GNG7: variants seen among roughly 807,000 people sequenced by gnomAD.
GNG7 encodes guanine nucleotide-binding protein G(I)/G(S)/G(O) subunit gamma-7.
GNG7 carries 1 observed loss-of-function variant against 4.0 expected under a neutral mutation model. The observed-to-expected ratio is 0.25, with a 90% CI of 0.09 to 1.18. GNG7 has a LOEUF of 1.18. Ranked by LOEUF, GNG7 falls within the 50% of genes most tolerant of loss-of-function variation. The pLI is 0.50. For synonymous variants in GNG7, 34 were observed against 36.9 expected (o/e 0.92, Z 0.29); for missense variants, 86 against 91.9 (o/e 0.94, Z 0.26).
At chr19:2,572,502 G>A (rs529981246) in intron 2 of GNG7, among the ~76,000 whole-genome samples, 1 of 152,088 alleles carries the variant, frequency 6.6e-6, no homozygotes, top group Admixed American at 6.6e-5. Context: ...CCTGATCTCG[G>A]CTCACTGCAA....
intron 1 of GNG7, among the ~76,000 whole-genome samples, chr19:2,693,981 G>A (rs1332342551): frequency 6.6e-6 from 1 of 152,108 alleles, no homozygotes; most frequent in Non-Finnish European, 1.5e-5. Context: ...TTAATATTGT[G>A]TTGTGAACGT....
chr19:2,660,980 G>C (rs970510819), intron 1 of GNG7, among the ~76,000 whole-genome samples: 2 of 152,014 alleles, frequency 1.3e-5, no homozygotes, highest in Non-Finnish European at 2.9e-5. Context: ...GGGAGGCCGA[G>C]GCGGGCAGAT....
intron 1 of GNG7, among the ~76,000 whole-genome samples, chr19:2,656,962 C>T (rs1251909220): frequency 6.6e-6 from 1 of 151,898 alleles, no homozygotes; most frequent in Non-Finnish European, 1.5e-5. Flanking sequence ...TGCTGGAATC[C>T]TCTGGGGGTG....
rs1982884797 is a variant in GNG7, at chr19:2,653,547, G to C, written c.-134-7267C>G. Among the ~76,000 whole-genome samples the C allele has an allele frequency of 1.3e-5, 2 of 152,206 alleles. No individual in the cohort carries two copies. The highest frequency in any genetic ancestry group is 2.9e-5 in the Non-Finnish European group (2 of 68,020). On this transcript the variant is annotated intron_variant, in intron 1 of 4. Coordinates refer to ENST00000382159, the MANE Select transcript of GNG7 (RefSeq NM_052847.3). The surrounding 1 kb of genome is among the most constrained non-coding windows in gnomAD (Gnocchi z 4.8). ...GTGTCTGGAGTGAGAAGGGATCGAAGTCTATTTTTTTCCAGATGAATGTAG... is the reference window on the plus strand; with the variant it reads ...GTGTCTGGAGTGAGAAGGGATCGAACTCTATTTTTTTCCAGATGAATGTAG...
Position 2,580,564 on chromosome 19 carries a change from T to G in GNG7, c.-77-25376A>C, listed in dbSNP as rs559457693. ...CCTTGACCTCCCAAAGTGCTGGGAT[T>G]GCAGGCATGAACCACCGTGCCCAGC... On this transcript the variant is annotated intron_variant, in intron 2 of 4. Coordinates refer to ENST00000382159, the MANE Select transcript of GNG7 (RefSeq NM_052847.3). Among the ~76,000 whole-genome samples, 5 of 152,082 alleles carry G rather than the reference T, an allele frequency of 3.3e-5. No individual in the cohort carries two copies. The East Asian group carries it at 9.7e-4, about 29-fold the overall frequency.
intron 1 of GNG7, among the ~76,000 whole-genome samples, chr19:2,678,583 G>C (rs1983652270): frequency 1.3e-5 from 2 of 152,038 alleles, no homozygotes; most frequent in African/African-American, 4.8e-5. Flanking sequence ...TCCTGGGATG[G>C]GGTAATAAAT....
At chr19:2,532,138 G>C (rs1211045139) in intron 3 of GNG7, among the ~76,000 whole-genome samples, 2 of 137,466 alleles carry the variant, frequency 1.5e-5, no homozygotes, top group East Asian at 2.1e-4. Flanking sequence ...GCAAAAGAAC[G>C]AGACTCCGTC....
Position 2,661,522 on chromosome 19 carries a change from TA to T in GNG7, c.-134-15243del, listed in dbSNP as rs561575487. On this transcript the variant is annotated intron_variant, in intron 1 of 4. Coordinates refer to ENST00000382159, the MANE Select transcript of GNG7 (RefSeq NM_052847.3). ...AAAAAAAAATATAAAAATTAGCCAG[TA>T]ATTGGCTAATTACTGTAATTATGCC... Among the ~76,000 whole-genome samples, 62 of 150,996 alleles carry T rather than the reference TA, an allele frequency of 4.1e-4. 1 individual carries two copies. The highest frequency in any genetic ancestry group is 3.5e-3 in the Admixed American group (53 of 15,170).
chr19:2,653,710 T>C lies in GNG7; in HGVS notation c.-134-7430A>G, dbSNP rs1349634077. Among the ~76,000 whole-genome samples, 4 of 152,046 alleles carry C rather than the reference T, an allele frequency of 2.6e-5. No homozygotes were observed. Among genetic ancestry groups the C allele is most frequent in the Non-Finnish European group, 4.4e-5 (3 of 67,972 alleles). On this transcript the variant is annotated intron_variant, in intron 1 of 4. Transcript: ENST00000382159. This position sits in a 1 kb window ranked among gnomAD's most constrained non-coding sequence, Gnocchi z 4.8. Reference sequence around the variant, plus strand: ...AGGGGCATCCCCCATCTAGAGCTGTTCCGTTGCCTTGAATTTCTGCCCTCT... The same window carrying C: ...AGGGGCATCCCCCATCTAGAGCTGTCCCGTTGCCTTGAATTTCTGCCCTCT...
intron 3 of GNG7, among the ~76,000 whole-genome samples, chr19:2,554,727 G>A (rs1301790555): frequency 1.3e-5 from 2 of 151,530 alleles, no homozygotes; most frequent in Non-Finnish European, 2.9e-5. Flanking sequence ...GCTAATTTTT[G>A]TACTTTTGGT....
intron 2 of GNG7, among the ~76,000 whole-genome samples, chr19:2,597,011 C>A (rs974827961): frequency 6.6e-6 from 1 of 152,064 alleles, no homozygotes. Flanking sequence ...GCAATCCCAG[C>A]ACTTTTGGAG....
chr19:2,677,480 G>T (rs764983923), intron 1 of GNG7, among the ~76,000 whole-genome samples: 1 of 151,236 alleles, frequency 6.6e-6, no homozygotes, highest in African/African-American at 2.4e-5. Context: ...TGCCAAGGGG[G>T]AGAGACTCTG....
chr19:2,688,708 G>T lies in GNG7; in HGVS notation c.-135+13938C>A, dbSNP rs551689138. Among the ~76,000 whole-genome samples, 5 of 152,146 alleles carry T rather than the reference G, an allele frequency of 3.3e-5. No individual in the cohort carries two copies. In the East Asian group the frequency reaches 9.7e-4, roughly 29 times the overall value. ...CACGTGGGATTCTAGATGGGTCCTG[G>T]GGCAGGAAAGGACATTAGGGGAAGA... is the stretch of plus-strand genomic sequence containing the variant. On this transcript the variant is annotated intron_variant, in intron 1 of 4. Coordinates refer to ENST00000382159, the MANE Select transcript of GNG7 (RefSeq NM_052847.3).
At chr19:2,556,151 CA>C (rs1232175812) in intron 2 of GNG7, among the ~76,000 whole-genome samples, 1 of 152,252 alleles carries the variant, frequency 6.6e-6, no homozygotes, top group Non-Finnish European at 1.5e-5. Context: ...GACTTGCGCA[CA>C]ATGAACCCAG....
intron 1 of GNG7, among the ~76,000 whole-genome samples, chr19:2,652,282 C>T (rs750222831): frequency 6.6e-6 from 1 of 152,074 alleles, no homozygotes; most frequent in Non-Finnish European, 1.5e-5. Context: ...AAAAACACTG[C>T]GTAATCCCAC....
At chr19:2,610,474 A>T (rs1362573287) in intron 2 of GNG7, 1 of 151,984 alleles carries the variant, frequency 6.6e-6, no homozygotes, top group African/African-American at 2.4e-5. Flanking sequence ...CAGCCTCCTG[A>T]GTAGCTGGGA....
intron 1 of GNG7, among the ~76,000 whole-genome samples, chr19:2,661,302 G>GAGAAAGAAAGAAAGAAAGAAAGAA (rs71179906): frequency 2.2e-4 from 16 of 73,116 alleles, no homozygotes; most frequent in South Asian, 1.0e-3. Flanking sequence ...AAGAAAGAAA[G>GAGAAAGAAAGAAAGAAAGAAAGAA]AGAAAGAAAG....
At chr19:2,545,761 C>T (rs1057467253) in intron 3 of GNG7, among the ~76,000 whole-genome samples, 1 of 151,514 alleles carries the variant, frequency 6.6e-6, no homozygotes, top group Non-Finnish European at 1.5e-5. Flanking sequence ...TGAGACCAGC[C>T]TGGCCAACAC....
At position 2,646,272 on chromosome 19, in the gene GNG7, C is replaced by T. The variant is rs1193635475; in HGVS notation, c.-126G>A. 6.6e-6 allele frequency: 1 copy of T among 152,220 alleles called. No homozygotes were observed. Among genetic ancestry groups the T allele is most frequent in the Admixed American group, 6.5e-5 (1 of 15,276 alleles). 9.4% of individuals were successfully genotyped at this position (152,220 alleles called of 1,614,324 possible). ...GCAGCACCGAGATCCCGAAACCAAG[C>T]TCCACTCCCTGGAAAAAACACATAG... On this transcript the variant is annotated 5_prime_UTR_variant, in exon 2 of 5. Coordinates refer to ENST00000382159, the MANE Select transcript of GNG7 (RefSeq NM_052847.3).
Sources: gnomAD v4.1 joint callset for allele counts (sites outside exome capture counted in the v4.1 genomes callset) on GRCh38, gnomAD v4.1.1 for gene constraint, Gnocchi (gnomAD v3.1) non-coding constraint, MANE v1.5 for transcripts, NCBI Gene and HGNC (gene_info 2026-07-23, HGNC 2026-07-21) for gene names.